Variants in ERC2 observed in about 807,000 individuals in gnomAD.
ERC2 encodes ELKS/RAB6-interacting/CAST family member 2.
A neutral mutation model predicts 114.8 loss-of-function variants in ERC2; 42 were observed. That is an observed-to-expected ratio of 0.37 (90% confidence interval 0.29 to 0.47). The LOEUF (loss-of-function observed/expected upper bound fraction) is 0.47. Ranked by LOEUF, ERC2 falls within the 20% of genes least tolerant of loss-of-function variation. The pLI, the probability that ERC2 is intolerant of heterozygous loss-of-function variation, is 0.99. For synonymous variants in ERC2, 454 were observed against 425.5 expected, an observed-to-expected ratio of 1.07 and a Z score of -0.82; for missense variants, 939 against 1,150.7, an observed-to-expected ratio of 0.82 and a Z score of 2.66.
intron 16 of ERC2, among the ~76,000 whole-genome samples, chr3:55,695,642 G>C (rs1042115392): frequency 1.3e-5 from 2 of 152,070 alleles, no homozygotes; most frequent in Non-Finnish European, 2.9e-5. Flanking sequence ...CCTTTAAGAA[G>C]GTATCCCAGG....
At chr3:55,814,303 T>C (rs1306383436) in intron 14 of ERC2, among the ~76,000 whole-genome samples, 1 of 152,158 alleles carries the variant, frequency 6.6e-6, no homozygotes, top group Non-Finnish European at 1.5e-5. Context: ...ATGACAATCC[T>C]ATACGATACA....
At chr3:56,437,485 T>G (rs2062076302) in intron 1 of ERC2, among the ~76,000 whole-genome samples, 1 of 152,246 alleles carries the variant, frequency 6.6e-6, no homozygotes, top group Non-Finnish European at 1.5e-5. Context: ...ATAAATTTCC[T>G]TTTTGCTACA....
At chr3:55,722,318 G>A (rs1263209806) in intron 15 of ERC2, among the ~76,000 whole-genome samples, 3 of 152,154 alleles carry the variant, frequency 2.0e-5, no homozygotes, top group East Asian at 1.9e-4. Flanking sequence ...AACTGCACGT[G>A]GGGAGCTGGC....
At chr3:55,888,277 G>A in intron 14 of ERC2, 112 bp downstream of exon 14, 2 of 1,268,802 alleles carry the variant, frequency 1.6e-6, no homozygotes, top group East Asian at 2.3e-5. Context: ...GCAAGTGTGA[G>A]CTAAATTATT....
intron 1 of ERC2, among the ~76,000 whole-genome samples, chr3:56,449,982 A>G (rs2062757511): frequency 6.6e-6 from 1 of 152,266 alleles, no homozygotes; most frequent in African/African-American, 2.4e-5. Flanking sequence ...CTCTAAAACT[A>G]GAGAGAAAAA....
intron 16 of ERC2, among the ~76,000 whole-genome samples, chr3:55,691,303 AG>A (rs1454652932): frequency 6.6e-6 from 1 of 152,030 alleles, no homozygotes; most frequent in African/African-American, 2.4e-5. Flanking sequence ...ATTGGGAAAG[AG>A]GCAAGTGGCT....
At chr3:55,952,202 A>C (rs367836706) in intron 12 of ERC2, among the ~76,000 whole-genome samples, 28,504 of 123,744 alleles carry the variant, frequency 0.23, 4,750 homozygotes, top group Middle Eastern at 0.32. Context: ...CTCTCTCTAT[A>C]TATATATATA....
intron 15 of ERC2, among the ~76,000 whole-genome samples, chr3:55,713,756 T>G (rs1444454695): frequency 6.6e-6 from 1 of 152,190 alleles, no homozygotes; most frequent in East Asian, 1.9e-4. Flanking sequence ...GGTGACAGGA[T>G]TCCCTAATCA....
chr3:56,051,797 G>A (rs1168792589), intron 7 of ERC2, among the ~76,000 whole-genome samples: 1 of 149,284 alleles, frequency 6.7e-6, no homozygotes. Context: ...CTGCACTCCA[G>A]CCTGGCGACA....
At chr3:55,591,343 C>T (rs1260766206) in intron 17 of ERC2, among the ~76,000 whole-genome samples, 1 of 152,026 alleles carries the variant, frequency 6.6e-6, no homozygotes, top group Non-Finnish European at 1.5e-5. Flanking sequence ...TGGGACCCAG[C>T]ACTGTGACTG....
intron 12 of ERC2, among the ~76,000 whole-genome samples, chr3:55,975,275 A>T (rs1235874538): frequency 4.3e-4 from 66 of 152,186 alleles, no homozygotes; most frequent in Non-Finnish European, 1.5e-5. Flanking sequence ...GCCTGTTCTT[A>T]TTTCTGCTGC....
chr3:56,160,128 G>T (rs964694788), intron 4 of ERC2, among the ~76,000 whole-genome samples: 1 of 152,094 alleles, frequency 6.6e-6, no homozygotes, highest in Non-Finnish European at 1.5e-5. Context: ...GTGTATAAGC[G>T]TTTCCATTTC....
chr3:55,580,417 G>T (rs1015945295), intron 17 of ERC2, among the ~76,000 whole-genome samples: 1 of 152,194 alleles, frequency 6.6e-6, no homozygotes, highest in Non-Finnish European at 1.5e-5. Context: ...AGAAAAGACA[G>T]AGGATGGGAC....
At chr3:56,066,233 G>A (rs1364861635) in intron 7 of ERC2, among the ~76,000 whole-genome samples, 4 of 151,986 alleles carry the variant, frequency 2.6e-5, no homozygotes, top group Non-Finnish European at 2.9e-5. Context: ...TTTAATAATC[G>A]CCATTCTAAC....
At chr3:56,340,697 G>A (rs943291587) in intron 2 of ERC2, among the ~76,000 whole-genome samples, 2 of 152,102 alleles carry the variant, frequency 1.3e-5, no homozygotes, top group Non-Finnish European at 2.9e-5. Context: ...CACCAAACTC[G>A]TGCCCTGAGG....
chr3:56,413,625 G>C (rs1489660670), intron 2 of ERC2, among the ~76,000 whole-genome samples: 1 of 152,126 alleles, frequency 6.6e-6, no homozygotes, highest in Non-Finnish European at 1.5e-5. Context: ...GTGGCATTCA[G>C]ACACCAAAAC....
chr3:55,795,770 G>T (rs1391259363), intron 14 of ERC2, among the ~76,000 whole-genome samples: 2 of 152,200 alleles, frequency 1.3e-5, no homozygotes, highest in East Asian at 3.9e-4. Context: ...CCTTGGATAA[G>T]TGACTTCATT....
At chr3:56,340,373 G>T (rs889037800) in intron 2 of ERC2, among the ~76,000 whole-genome samples, 2 of 152,160 alleles carry the variant, frequency 1.3e-5, no homozygotes, top group Admixed American at 1.3e-4. Flanking sequence ...TCCCACCAGT[G>T]ATAAAGCACT....
In ERC2 at chr3:56,132,632, G is replaced by A. The variant is rs143874981; in HGVS notation, c.1473+6877C>T. On this transcript the variant is annotated intron_variant, in intron 6 of 17. Coordinates refer to ENST00000288221, the MANE Select transcript of ERC2 (RefSeq NM_015576.3). The stretch of plus-strand genomic sequence containing the variant: ...AGCCTGGGCGACAGAGCGAGACTCC[G>A]TCTCAAAAAAAAAGCATTTAATTTT... 9.9e-5 allele frequency among the ~76,000 whole-genome samples: 15 copies of A among 151,978 alleles called. No homozygotes were observed. In the East Asian group the frequency reaches 2.7e-3, roughly 27 times the overall value.
Sources: gnomAD v4.1 joint callset for allele counts (sites outside exome capture counted in the v4.1 genomes callset) on GRCh38, gnomAD v4.1.1 for gene constraint, MANE v1.5 for transcripts, NCBI Gene and HGNC (gene_info 2026-07-23, HGNC 2026-07-21) for gene names.